UBE3D: variants seen among roughly 807,000 people sequenced by gnomAD.
The protein encoded by UBE3D is E3 ubiquitin-protein ligase E3D.
In UBE3D, 48 loss-of-function variants were observed where a neutral mutation model predicts 49.6. The observed-to-expected ratio is 0.97, with a 90% CI of 0.77 to 1.23. The LOEUF (loss-of-function observed/expected upper bound fraction) is 1.23, where lower values mean the gene tolerates loss of function less well. Ranked by LOEUF, UBE3D falls within the 50% of genes most tolerant of loss-of-function variation. The pLI is 0.00. For synonymous variants in UBE3D, 189 were observed against 174.2 expected (o/e 1.08, Z -0.67); for missense variants, 452 against 468.4 (o/e 0.96, Z 0.32).
chr6:83,053,664 A>G (rs950315026), intron 3 of UBE3D, among the ~76,000 whole-genome samples: 3 of 152,256 alleles, frequency 2.0e-5, no homozygotes, highest in Admixed American at 6.5e-5. Context: ...TAACCTAATC[A>G]TTGACAAAAG....
intron 8 of UBE3D, among the ~76,000 whole-genome samples, chr6:82,994,160 A>G (rs1779085908): frequency 6.6e-6 from 1 of 152,226 alleles, no homozygotes. Flanking sequence ...TTTATTAGCC[A>G]TGGACAACAG....
intron 9 of UBE3D, among the ~76,000 whole-genome samples, chr6:82,909,615 G>A (rs968353826): frequency 2.6e-5 from 4 of 152,170 alleles, no homozygotes; most frequent in African/African-American, 7.2e-5. Flanking sequence ...CTTTGTGCAA[G>A]GGTAGCTGCT....
At chr6:83,024,086 T>G in intron 5 of UBE3D, 48 bp from the exon 6 acceptor site, 1 of 1,068,418 alleles carries the variant, frequency 9.4e-7, no homozygotes, top group South Asian at 1.7e-5. Flanking sequence ...CACTAATAAT[T>G]TTATTGTGGG....
intron 8 of UBE3D, among the ~76,000 whole-genome samples, chr6:83,015,044 G>A (rs1310368643): frequency 6.6e-6 from 1 of 152,130 alleles, no homozygotes; most frequent in Non-Finnish European, 1.5e-5. Context: ...TGCCCACCTT[G>A]CCTTTGACAG....
At chr6:82,989,231 A>G (rs1778720487) in intron 8 of UBE3D, among the ~76,000 whole-genome samples, 2 of 152,112 alleles carry the variant, frequency 1.3e-5, no homozygotes, top group Non-Finnish European at 2.9e-5. Flanking sequence ...CAGCATCATT[A>G]ACCCCTGCCT....
intron 5 of UBE3D, chr6:83,032,383 G>A (rs1781940734): frequency 4.7e-6 from 2 of 423,438 alleles, no homozygotes; most frequent in Admixed American, 5.0e-5. Flanking sequence ...TTTCAGACTT[G>A]CATGGGGCCT....
chr6:83,038,514 G>A, intron 4 of UBE3D, 29 bp from the exon 5 acceptor site: 1 of 1,566,184 alleles, frequency 6.4e-7, no homozygotes, highest in South Asian at 1.2e-5. Flanking sequence ...TCATTTAAAT[G>A]TCATTCAGCT....
At chr6:82,990,479 T>C (rs747697707) in intron 8 of UBE3D, among the ~76,000 whole-genome samples, 4 of 152,236 alleles carry the variant, frequency 2.6e-5, no homozygotes, top group South Asian at 2.1e-4. Flanking sequence ...GGTTTCACCA[T>C]GTTGGACAGG....
chr6:83,011,019 C>G (rs1454186425), intron 8 of UBE3D, among the ~76,000 whole-genome samples: 1 of 152,112 alleles, frequency 6.6e-6, no homozygotes, highest in Non-Finnish European at 1.5e-5. Context: ...CTCCTGAGAT[C>G]ATACATAATC....
chr6:82,925,812 A>G (rs897696347), intron 9 of UBE3D, among the ~76,000 whole-genome samples: 1 of 151,978 alleles, frequency 6.6e-6, no homozygotes, highest in Admixed American at 6.6e-5. Context: ...AACAATAAAT[A>G]CCCCACAAAA....
At chr6:82,900,589 C>T (rs530146323) in intron 9 of UBE3D, among the ~76,000 whole-genome samples, 18 of 152,276 alleles carry the variant, frequency 1.2e-4, no homozygotes, top group Non-Finnish European at 1.5e-4. Flanking sequence ...GCAGACAAAA[C>T]GCTTTCTGAC....
At chr6:82,960,127 C>G (rs1319873534) in intron 8 of UBE3D, among the ~76,000 whole-genome samples, 1 of 152,180 alleles carries the variant, frequency 6.6e-6, no homozygotes, top group Non-Finnish European at 1.5e-5. Flanking sequence ...GTTTTCACCT[C>G]TAAATAATCA....
intron 8 of UBE3D, among the ~76,000 whole-genome samples, chr6:83,005,572 T>G (rs1016322993): frequency 2.6e-5 from 4 of 151,416 alleles, no homozygotes; most frequent in Non-Finnish European, 5.9e-5. Flanking sequence ...TGCTTGAGAC[T>G]AGGGGTTTAA....
intron 5 of UBE3D, among the ~76,000 whole-genome samples, chr6:83,029,648 A>G (rs59584777): frequency 0.041 from 6,200 of 152,152 alleles, 357 homozygotes; most frequent in African/African-American, 0.12. Flanking sequence ...ACATCTAATA[A>G]TTTTTAGACA....
At chr6:83,022,402 TGAG>T in intron 7 of UBE3D, 48 bp downstream of exon 7, 1 of 1,214,076 alleles carries the variant, frequency 8.2e-7, no homozygotes, top group Non-Finnish European at 1.1e-6. Context: ...TGAAGAATTC[TGAG>T]ACCTTGGATT....
chr6:83,005,841 T>C (rs62419197), intron 8 of UBE3D, among the ~76,000 whole-genome samples: 1,957 of 152,224 alleles, frequency 0.013, 13 homozygotes, highest in Non-Finnish European at 0.021. Context: ...TACTACTATG[T>C]GAATAAAACT....
chr6:82,946,647 C>A (rs1446137550), intron 9 of UBE3D, among the ~76,000 whole-genome samples: 1 of 152,004 alleles, frequency 6.6e-6, no homozygotes, highest in African/African-American at 2.4e-5. Flanking sequence ...GTAAACTACT[C>A]TTAAGTAGAA....
intron 5 of UBE3D, among the ~76,000 whole-genome samples, chr6:83,027,451 A>C (rs1781554846): frequency 6.8e-6 from 1 of 147,632 alleles, no homozygotes; most frequent in African/African-American, 2.5e-5. Context: ...AAAAAAAAAA[A>C]AAAAAAAAAA....
At chr6:83,037,308 C>T (rs1314116891) in intron 5 of UBE3D, 1 of 152,218 alleles carries the variant, frequency 6.6e-6, no homozygotes, top group Admixed American at 6.5e-5. Flanking sequence ...GTTTACATCT[C>T]TTGTTTATGT....
Sources: allele counts gnomAD v4.1 joint callset (sites outside exome capture counted in the v4.1 genomes callset), GRCh38; gene constraint gnomAD v4.1.1; transcripts MANE v1.5; gene names NCBI Gene and HGNC (gene_info 2026-07-23, HGNC 2026-07-21).